The following WDR72 variants were observed in gnomAD, a reference collection of about 807,000 sequenced individuals.
WDR72 encodes the protein WD repeat-containing protein 72.
WDR72 carries 120 observed loss-of-function variants against 124.2 expected under a neutral mutation model. The observed-to-expected ratio is 0.97, with a 90% CI of 0.83 to 1.12. WDR72 has a LOEUF of 1.12. WDR72 is among the 50% of genes most tolerant of loss of function. The pLI is 0.00. For missense variants in WDR72, 1,387 were observed against 1,278.8 expected (o/e 1.08, Z -1.29); for synonymous variants, 452 against 441.7 (o/e 1.02, Z -0.29).
chr15:53,570,876 A>T (rs1894500909), intron 18 of WDR72, among the ~76,000 whole-genome samples: 1 of 152,190 alleles, frequency 6.6e-6, no homozygotes, highest in Non-Finnish European at 1.5e-5. Context: ...TGGTACATAC[A>T]TACTAGGGAA....
At position 53,680,855 on chromosome 15, in the gene WDR72, G is replaced by A. The variant is rs115077554; in HGVS notation, c.1766-15087C>T. Among the ~76,000 whole-genome samples the A allele has an allele frequency of 2.1e-3, 320 of 152,290 alleles. 2 individuals carry two copies. Among genetic ancestry groups the A allele is most frequent in the African/African-American group, 7.5e-3 (311 of 41,562 alleles). On this transcript the variant is annotated intron_variant, in intron 13 of 19. Coordinates refer to ENST00000360509, the MANE Select transcript of WDR72 (RefSeq NM_182758.4). ...GGAATGGAACCTGCTTCCCCCAAATGTGAAAAGGACTGGGGAAAGTGGTGG... is the reference window on the plus strand; with the variant it reads ...GGAATGGAACCTGCTTCCCCCAAATATGAAAAGGACTGGGGAAAGTGGTGG...
chr15:53,734,009 C>T (rs1381123590), intron 1 of WDR72, among the ~76,000 whole-genome samples: 1 of 152,188 alleles, frequency 6.6e-6, no homozygotes, highest in Non-Finnish European at 1.5e-5. Flanking sequence ...AAGCATACTT[C>T]CCACATTGCT....
chr15:53,728,464 A>C (rs1405986987), intron 2 of WDR72, among the ~76,000 whole-genome samples: 2 of 152,212 alleles, frequency 1.3e-5, no homozygotes, highest in Non-Finnish European at 2.9e-5. Flanking sequence ...AGTAGTGTTT[A>C]AATCCCCATT....
At chr15:53,582,243 G>A (rs571484222) in intron 18 of WDR72, among the ~76,000 whole-genome samples, 10 of 152,016 alleles carry the variant, frequency 6.6e-5, no homozygotes, top group East Asian at 1.9e-4. Context: ...GAGACAACTC[G>A]GCTAAGTAAA....
Position 53,668,974 on chromosome 15 carries a change from G to GAGGAGGAGGAGA in WDR72, c.1766-3207_1766-3206insTCTCCTCCTCCT, listed in dbSNP as rs2015885666. ...GGAGGAGGAGGAGAAGGAGGAGGAG[G>GAGGAGGAGGAGA]AGGAGAAGGAGAAGGAGGAGGAGAA... is the stretch of plus-strand genomic sequence containing the variant. On this transcript the variant is annotated intron_variant, in intron 13 of 19. Transcript: ENST00000360509. 5.3e-3 allele frequency among the ~76,000 whole-genome samples: 594 copies of GAGGAGGAGGAGA among 112,844 alleles called. 14 individuals are homozygous for GAGGAGGAGGAGA. The highest frequency in any genetic ancestry group is 0.02 in the African/African-American group (582 of 29,478). 74.0% of individuals were successfully genotyped at this position (112,844 alleles called of 152,430 possible). A position where few individuals can be genotyped will look rare whatever the true frequency, so the allele number is the denominator to read the frequency against.
intron 18 of WDR72, among the ~76,000 whole-genome samples, chr15:53,580,674 A>G (rs1201118275): frequency 6.6e-6 from 1 of 152,080 alleles, no homozygotes; most frequent in African/African-American, 2.4e-5. Flanking sequence ...TGAAACAGGC[A>G]GAAGACAACA....
intron 13 of WDR72, among the ~76,000 whole-genome samples, chr15:53,694,923 T>C (rs1480875635): frequency 1.3e-5 from 2 of 152,190 alleles, no homozygotes; most frequent in Non-Finnish European, 2.9e-5. Flanking sequence ...CTGCTGCCTG[T>C]TGTTGTAAGT....
intron 1 of WDR72, among the ~76,000 whole-genome samples, chr15:53,758,192 A>G (rs1000277565): frequency 6.6e-6 from 1 of 151,958 alleles, no homozygotes; most frequent in Non-Finnish European, 1.5e-5. Flanking sequence ...GTAGAGATGA[A>G]GTTTTGCTAT....
At chr15:53,632,229 C>T (rs1440927211) in intron 14 of WDR72, among the ~76,000 whole-genome samples, 1 of 152,068 alleles carries the variant, frequency 6.6e-6, no homozygotes, top group African/African-American at 2.4e-5. Context: ...ATCCCTGCTA[C>T]TCCAGCACCA....
intron 13 of WDR72, among the ~76,000 whole-genome samples, chr15:53,689,466 T>C (rs1301867874): frequency 1.3e-5 from 2 of 149,146 alleles, no homozygotes. Flanking sequence ...CATGAAAAAA[T>C]GCTCATCATC....
intron 18 of WDR72, among the ~76,000 whole-genome samples, chr15:53,528,043 G>A (rs146891528): frequency 6.6e-6 from 1 of 152,176 alleles, no homozygotes; most frequent in East Asian, 1.9e-4. Flanking sequence ...AATACTGGCA[G>A]ATCTCAAAAG....
intron 14 of WDR72, among the ~76,000 whole-genome samples, chr15:53,649,938 C>T (rs1345150540): frequency 6.6e-6 from 1 of 152,122 alleles, no homozygotes; most frequent in Non-Finnish European, 1.5e-5. Flanking sequence ...CAATCGACTT[C>T]TGGGTATTTA....
intron 18 of WDR72, among the ~76,000 whole-genome samples, chr15:53,540,049 G>T (rs141538579): frequency 6.6e-6 from 1 of 152,202 alleles, no homozygotes; most frequent in Non-Finnish European, 1.5e-5. Context: ...AGAGTATTTC[G>T]TAATACTAAA....
intron 18 of WDR72, among the ~76,000 whole-genome samples, chr15:53,588,067 C>T (rs7170192): frequency 0.32 from 48,071 of 151,650 alleles, 8,090 homozygotes; most frequent in Admixed American, 0.42. Flanking sequence ...ACTAACACTT[C>T]AGAAGAAAAC....
In WDR72 at chr15:53,613,659, C is replaced by T; in HGVS notation, c.2872+7G>A. ...TCAGATCATATCTGTGCCAGTAACT[C>T]TCTTACCATTTCGTAAGCAACTGTA... On this transcript the variant is annotated splice_region_variant and intron_variant, in intron 16 of 19. Transcript: ENST00000360509. 1.3e-6 allele frequency: 2 copies of T among 1,597,924 alleles called. No homozygotes were observed.
chr15:53,582,503 C>A (rs1265294956), intron 18 of WDR72, among the ~76,000 whole-genome samples: 5 of 151,744 alleles, frequency 3.3e-5, no homozygotes, highest in African/African-American at 4.8e-5. Flanking sequence ...CATTCTCTGA[C>A]AAAATATACA....
intron 1 of WDR72, among the ~76,000 whole-genome samples, chr15:53,749,896 A>G (rs1428892026): frequency 6.6e-6 from 1 of 152,160 alleles, no homozygotes; most frequent in Admixed American, 6.5e-5. Flanking sequence ...ATGAAGGTTA[A>G]AAGAAGTGAG....
intron 14 of WDR72, among the ~76,000 whole-genome samples, chr15:53,638,580 C>CTTTTTT (rs3081298): frequency 3.2e-5 from 4 of 125,856 alleles, no homozygotes; most frequent in Non-Finnish European, 6.7e-5. Context: ...TAATCACATT[C>CTTTTTT]TTTTTTTTTT....
chr15:53,715,305 T>C lies in WDR72; in HGVS notation c.402A>G (p.Gln134=). 1 of 1,614,170 alleles carries C rather than the reference T, an allele frequency of 6.2e-7. No homozygotes were observed. The highest frequency in any genetic ancestry group is 8.5e-7 in the Non-Finnish European group (1 of 1,180,014). ...EGWLLCCGEY[Q]DVLIIDAKTL... Reference sequence around the variant, plus strand: ...TTTTGGCATCAATTATAAGGACATCTTGATATTCTCCACAACAAAGAAGCC... The same window carrying C: ...TTTTGGCATCAATTATAAGGACATCCTGATATTCTCCACAACAAAGAAGCC... The change falls in exon 5 of 20, where the codon CAA becomes CAG. Residue 134 remains glutamine, a synonymous_variant. Transcript: ENST00000360509.
Sources: gnomAD v4.1 joint callset for allele counts (sites outside exome capture counted in the v4.1 genomes callset) on GRCh38, gnomAD v4.1.1 for gene constraint, MANE v1.5 for transcripts, NCBI Gene and HGNC (gene_info 2026-07-23, HGNC 2026-07-21) for gene names.